Variants in NALF1 observed in about 807,000 individuals in gnomAD.
NALF1 encodes the protein NALCN channel auxiliary factor 1.
NALF1 carries 3 observed loss-of-function variants against 48.4 expected under a neutral mutation model. That is an observed-to-expected ratio of 0.06 (90% confidence interval 0.03 to 0.16). NALF1 has a LOEUF of 0.16. Ranked by LOEUF, NALF1 falls within the 10% of genes least tolerant of loss-of-function variation. The pLI is 1.00. For synonymous variants in NALF1, 262 were observed against 245.7 expected (o/e 1.07, Z -0.62); for missense variants, 526 against 571.5 (o/e 0.92, Z 0.81).
chr13:107,371,597 A>G (rs891030848), intron 1 of NALF1, among the ~76,000 whole-genome samples: 1 of 152,214 alleles, frequency 6.6e-6, no homozygotes, highest in African/African-American at 2.4e-5. Context: ...AAAGTCAACT[A>G]ACCACAACAA....
intron 1 of NALF1, among the ~76,000 whole-genome samples, chr13:107,535,592 G>A (rs551837434): frequency 1.3e-5 from 2 of 152,092 alleles, no homozygotes; most frequent in African/African-American, 4.8e-5. Context: ...CAAACAAATG[G>A]AAGAACATTC....
intron 1 of NALF1, among the ~76,000 whole-genome samples, chr13:107,821,751 G>A (rs1449780597): frequency 6.6e-6 from 1 of 152,180 alleles, no homozygotes; most frequent in Non-Finnish European, 1.5e-5. Flanking sequence ...TCCAAATGAT[G>A]TCATACCATT....
chr13:107,593,003 G>A (rs1055488966), intron 1 of NALF1, among the ~76,000 whole-genome samples: 1 of 151,726 alleles, frequency 6.6e-6, no homozygotes, highest in Non-Finnish European at 1.5e-5. Context: ...AATATTTTTA[G>A]TTAACGCTGT....
intron 1 of NALF1, among the ~76,000 whole-genome samples, chr13:107,721,786 AT>A (rs1376709282): frequency 2.6e-5 from 4 of 152,154 alleles, no homozygotes; most frequent in Admixed American, 6.5e-5. Context: ...AATATATAAA[AT>A]CCTCTCTGTT....
chr13:107,217,027 T>C (rs1880687985), intron 1 of NALF1, among the ~76,000 whole-genome samples: 1 of 152,196 alleles, frequency 6.6e-6, no homozygotes, highest in South Asian at 2.1e-4. Context: ...GGAAAACGTG[T>C]CCTAACTATG....
chr13:107,373,537 C>T (rs549579800), intron 1 of NALF1, among the ~76,000 whole-genome samples: 84 of 152,160 alleles, frequency 5.5e-4, no homozygotes, highest in Admixed American at 7.9e-4. Context: ...CAAGGTGGAG[C>T]CCAAAAGGGG....
At chr13:107,621,031 C>T (rs1290118212) in intron 1 of NALF1, among the ~76,000 whole-genome samples, 4 of 151,930 alleles carry the variant, frequency 2.6e-5, no homozygotes, top group African/African-American at 4.8e-5. Context: ...GGCAAGGATG[C>T]CTGCTACCCA....
At chr13:107,208,835 C>A (rs1180167456) in intron 2 of NALF1, among the ~76,000 whole-genome samples, 3 of 151,926 alleles carry the variant, frequency 2.0e-5, no homozygotes, top group South Asian at 4.2e-4. Context: ...ATATTGATAT[C>A]CTCCTTCCCT....
chr13:107,651,090 TAAAG>T (rs1385926086), intron 1 of NALF1, among the ~76,000 whole-genome samples: 2 of 149,894 alleles, frequency 1.3e-5, no homozygotes, highest in African/African-American at 4.9e-5. Context: ...GTTAAAAAAA[TAAAG>T]AATTATAAAT....
chr13:107,304,466 G>T lies in NALF1; in HGVS notation c.916-93711C>A, dbSNP rs149179695. On this transcript the variant is annotated intron_variant, in intron 1 of 2. Transcript: ENST00000375915. ...AGAACTTGGATGTGTTATCTCAACT[G>T]ATAATGACAGCAATCTGTGGAATTA... is the stretch of plus-strand genomic sequence containing the variant. Among the ~76,000 whole-genome samples the T allele has an allele frequency of 4.1e-4, 62 of 152,262 alleles. No individual in the cohort carries two copies. The East Asian group carries it at 0.011, about 27-fold the overall frequency.
chr13:107,350,099 C>T (rs12584446), intron 1 of NALF1, among the ~76,000 whole-genome samples: 5 of 151,950 alleles, frequency 3.3e-5, no homozygotes, highest in Non-Finnish European at 7.4e-5. Context: ...AGAGCTCAGG[C>T]GGTAATGCTC....
intron 1 of NALF1, among the ~76,000 whole-genome samples, chr13:107,754,389 ACACACAC>A (rs950449663): frequency 3.6e-5 from 5 of 138,256 alleles, no homozygotes; most frequent in Admixed American, 7.5e-5. Context: ...ACACACACAC[ACACACAC>A]ACCATATATG....
At chr13:107,203,993 GCT>G (rs1225180373) in intron 2 of NALF1, among the ~76,000 whole-genome samples, 2 of 136,610 alleles carry the variant, frequency 1.5e-5, no homozygotes, top group Non-Finnish European at 3.3e-5. Context: ...ACCCAGGTGA[GCT>G]GGAGGCAGAG....
intron 1 of NALF1, among the ~76,000 whole-genome samples, chr13:107,813,784 G>A (rs566333963): frequency 7.9e-5 from 12 of 152,230 alleles, no homozygotes; most frequent in African/African-American, 2.9e-4. Flanking sequence ...CCATATACAT[G>A]AATAAGATAG....
intron 1 of NALF1, among the ~76,000 whole-genome samples, chr13:107,434,532 C>A (rs1384541537): frequency 1.3e-5 from 2 of 152,206 alleles, no homozygotes; most frequent in African/African-American, 2.4e-5. Context: ...CACTAAGTGA[C>A]TTCTGCTTTT....
intron 1 of NALF1, among the ~76,000 whole-genome samples, chr13:107,778,357 C>T (rs1877795395): frequency 6.6e-6 from 1 of 152,124 alleles, no homozygotes; most frequent in Non-Finnish European, 1.5e-5. Flanking sequence ...AGGAGGAAAT[C>T]CAGAAGAGTG....
chr13:107,393,226 G>T (rs563297979), intron 1 of NALF1, among the ~76,000 whole-genome samples: 9 of 152,056 alleles, frequency 5.9e-5, no homozygotes, highest in East Asian at 1.9e-4. Flanking sequence ...AAAGAAGAAG[G>T]TCCCTTAACT....
At chr13:107,776,044 G>C (rs1877721771) in intron 1 of NALF1, among the ~76,000 whole-genome samples, 1 of 152,204 alleles carries the variant, frequency 6.6e-6, no homozygotes, top group Non-Finnish European at 1.5e-5. Flanking sequence ...GGCTTCAGCA[G>C]CAAGAGGGAA....
At chr13:107,379,444 G>A (rs1306510255) in intron 1 of NALF1, among the ~76,000 whole-genome samples, 1 of 152,132 alleles carries the variant, frequency 6.6e-6, no homozygotes, top group African/African-American at 2.4e-5. Flanking sequence ...CTAATAGGAT[G>A]TTTCCTACCC....
Sources: gnomAD v4.1 joint callset for allele counts (sites outside exome capture counted in the v4.1 genomes callset) on GRCh38, gnomAD v4.1.1 for gene constraint, MANE v1.5 for transcripts, NCBI Gene and HGNC (gene_info 2026-07-23, HGNC 2026-07-21) for gene names.